Variants in METTL9 observed in about 807,000 individuals in gnomAD.
The protein encoded by METTL9 is methyltransferase 9, His-X-His N1(pi)-histidine.
Under a neutral mutation model 36.0 loss-of-function variants are expected in METTL9, and 10 were observed. That is an observed-to-expected ratio of 0.28 (90% CI 0.17 to 0.47). The LOEUF (loss-of-function observed/expected upper bound fraction) is 0.47. Among genes scored for constraint, METTL9 ranks in the 20% least tolerant of loss-of-function variants. The pLI, the probability that METTL9 is intolerant of heterozygous loss-of-function variation, is 0.99. For synonymous variants in METTL9, 175 were observed against 149.7 expected (o/e 1.17, Z -1.23); for missense variants, 246 against 383.5 (o/e 0.64, Z 3.00).
In METTL9 at chr16:21,657,440, C is replaced by A. The variant is rs1966735515; in HGVS notation, c.*2008C>A. On this transcript the variant is annotated 3_prime_UTR_variant, in exon 5 of 5. Transcript: ENST00000358154. ...TAAATGGAATCATGTTTTTCTCCCC[C>A]AAAGTACAATAAAGCTGCCTTGTCT... is the stretch of plus-strand genomic sequence containing the variant. 6.6e-6 allele frequency: 1 copy of A among 152,140 alleles called. No homozygotes were observed. Among genetic ancestry groups the A allele is most frequent in the Non-Finnish European group, 1.5e-5 (1 of 68,032 alleles). 9.4% of individuals were successfully genotyped at this position (152,140 alleles called of 1,614,324 possible).
At chr16:21,605,257 CTTTTTTTTTTTTTTTTTTTTTT>C (rs3046231) in intron 1 of METTL9, among the ~76,000 whole-genome samples, 522 of 51,254 alleles carry the variant, frequency 0.01, 8 homozygotes, top group South Asian at 0.038. Context: ...GGCTTGCCTT[CTTTTTTTTTTTTTTTTTTTTTT>C]TTTTTTTTTT....
At chr16:21,610,680 G>A (rs1189951286) in intron 1 of METTL9, among the ~76,000 whole-genome samples, 1 of 152,130 alleles carries the variant, frequency 6.6e-6, no homozygotes, top group Non-Finnish European at 1.5e-5. Flanking sequence ...AGCACTATTT[G>A]CAGCTAATGG....
intron 1 of METTL9, among the ~76,000 whole-genome samples, chr16:21,600,417 G>T (rs539250874): frequency 1.3e-5 from 2 of 152,298 alleles, no homozygotes; most frequent in African/African-American, 4.8e-5. Flanking sequence ...AACTCTCCAG[G>T]CTGATTGGGG....
intron 4 of METTL9, chr16:21,643,046 A>T: frequency 2.0e-6 from 3 of 1,467,198 alleles, no homozygotes; most frequent in Non-Finnish European, 2.8e-6. Context: ...ATCTGTATTT[A>T]CATTTTTTTT....
intron 4 of METTL9, among the ~76,000 whole-genome samples, chr16:21,629,729 G>A (rs1965901680): frequency 6.6e-6 from 1 of 152,134 alleles, no homozygotes; most frequent in Non-Finnish European, 1.5e-5. Context: ...GCATGGATGG[G>A]GACCCAGCAG....
At chr16:21,616,712 A>C (rs1212391436) in intron 2 of METTL9, among the ~76,000 whole-genome samples, 2 of 152,206 alleles carry the variant, frequency 1.3e-5, no homozygotes, top group African/African-American at 4.8e-5. Flanking sequence ...ATATTAACCG[A>C]CATCACAAGG....
At chr16:21,648,123 TACTG>T (rs1010843578) in intron 4 of METTL9, among the ~76,000 whole-genome samples, 3 of 152,200 alleles carry the variant, frequency 2.0e-5, no homozygotes, top group African/African-American at 7.2e-5. Flanking sequence ...TGTCTTTGAT[TACTG>T]AGCAGGGACC....
chr16:21,642,565 A>G (rs1028249963), intron 4 of METTL9, among the ~76,000 whole-genome samples: 3 of 152,228 alleles, frequency 2.0e-5, no homozygotes, highest in Non-Finnish European at 4.4e-5. Flanking sequence ...TACTTTCAGG[A>G]TGTATTATAG....
rs573542618 is a variant in METTL9, at chr16:21,657,359, C to T, written c.*1927C>T. 1 of 152,072 alleles carries T rather than the reference C, an allele frequency of 6.6e-6. No homozygotes were observed. Among genetic ancestry groups the T allele is most frequent in the South Asian group, 2.1e-4 (1 of 4,810 alleles). The allele number at this position is 152,072 out of a possible 1,614,324, so 9.4% of individuals were successfully genotyped here. On this transcript the variant is annotated 3_prime_UTR_variant, in exon 5 of 5. Coordinates refer to ENST00000358154, the MANE Select transcript of METTL9 (RefSeq NM_016025.5). ...GGTCTTGAAATTCTTGGTGGTGTGT[C>T]ACCATTCCACTAGATGGCAGTGTTG...
At chr16:21,614,762 C>T (rs192086777) in intron 2 of METTL9, among the ~76,000 whole-genome samples, 7 of 152,186 alleles carry the variant, frequency 4.6e-5, no homozygotes, top group African/African-American at 1.7e-4. Context: ...GTAGATGTTC[C>T]AGAGTTTATT....
At chr16:21,637,422 T>C (rs1359937902) in intron 4 of METTL9, among the ~76,000 whole-genome samples, 1 of 152,234 alleles carries the variant, frequency 6.6e-6, no homozygotes, top group Non-Finnish European at 1.5e-5. Flanking sequence ...CACAGAGCAC[T>C]GATTGGTGCG....
chr16:21,639,424 C>T (rs1966189058), intron 4 of METTL9: 1 of 152,172 alleles, frequency 6.6e-6, no homozygotes, highest in South Asian at 2.1e-4. Context: ...TCGAATTCAA[C>T]ACTTCTGTTC....
At chr16:21,624,480 A>G (rs1356300274) in intron 3 of METTL9, among the ~76,000 whole-genome samples, 2 of 152,144 alleles carry the variant, frequency 1.3e-5, no homozygotes, top group African/African-American at 4.8e-5. Flanking sequence ...TAATCCCAGC[A>G]CTTTGGGAGG....
intron 2 of METTL9, among the ~76,000 whole-genome samples, chr16:21,613,833 GT>G (rs11326723): frequency 0.71 from 95,334 of 133,938 alleles, 34,121 homozygotes; most frequent in African/African-American, 0.91. Context: ...AGTTTTTTTT[GT>G]TTTTTTTTTT....
intron 1 of METTL9, among the ~76,000 whole-genome samples, chr16:21,610,598 AC>A (rs1965404379): frequency 6.6e-6 from 1 of 152,228 alleles, no homozygotes; most frequent in African/African-American, 2.4e-5. Context: ...TAAGGGTTCA[AC>A]CACACGTGTT....
intron 4 of METTL9, chr16:21,644,294 G>C (rs1226556215): frequency 6.2e-7 from 1 of 1,604,252 alleles, no homozygotes; most frequent in Admixed American, 1.7e-5. Flanking sequence ...ACTTACTTTG[G>C]AGAGGAGTAT....
In METTL9 at chr16:21,625,764, G is replaced by A. The variant is rs186647546; in HGVS notation, c.751+649G>A. Among the ~76,000 whole-genome samples, 5 of 152,120 alleles carry A rather than the reference G, an allele frequency of 3.3e-5. No homozygotes were observed. The East Asian group carries it at 9.6e-4, about 29-fold the overall frequency. On this transcript the variant is annotated intron_variant, in intron 4 of 4. Coordinates refer to ENST00000358154, the MANE Select transcript of METTL9 (RefSeq NM_016025.5). ...AATGCCACATTAAGTTATAGTTTTA[G>A]TTTGTGTGGTTTGCATTTTAGGTCA...
chr16:21,603,520 C>T lies in METTL9; in HGVS notation c.165+3622C>T, dbSNP rs1965193106. Among the ~76,000 whole-genome samples the T allele has an allele frequency of 3.3e-5, 5 of 152,166 alleles. No homozygotes were observed. The South Asian group carries it at 1.0e-3, about 32-fold the overall frequency. ...AGAAATAGAGGCAGGCAGTGAGAAACTAGTAGATATTGTCACTTTGCAATG... is the reference window on the plus strand; with the variant it reads ...AGAAATAGAGGCAGGCAGTGAGAAATTAGTAGATATTGTCACTTTGCAATG... On this transcript the variant is annotated intron_variant, in intron 1 of 4. Coordinates refer to ENST00000358154, the MANE Select transcript of METTL9 (RefSeq NM_016025.5).
intron 1 of METTL9, among the ~76,000 whole-genome samples, chr16:21,609,833 G>A (rs979883346): frequency 6.6e-6 from 1 of 152,088 alleles, no homozygotes; most frequent in Non-Finnish European, 1.5e-5. Context: ...TGTTAAGCAG[G>A]GTAGTGATGT....
Sources: allele counts gnomAD v4.1 joint callset (sites outside exome capture counted in the v4.1 genomes callset), GRCh38; gene constraint gnomAD v4.1.1; transcripts MANE v1.5; gene names NCBI Gene and HGNC (gene_info 2026-07-23, HGNC 2026-07-21).